MACROD2: variants seen among roughly 807,000 people sequenced by gnomAD.
The protein encoded by MACROD2 is ADP-ribose glycohydrolase MACROD2.
A neutral mutation model predicts 70.4 loss-of-function variants in MACROD2; 36 were observed. That is an observed-to-expected ratio of 0.51 (90% CI 0.39 to 0.68). The LOEUF (loss-of-function observed/expected upper bound fraction) is 0.68, where lower values mean the gene tolerates loss of function less well. MACROD2 is among the 30% of genes least tolerant of loss of function. The probability of loss-of-function intolerance (pLI) is 0.00; values close to 1 mark genes in which losing one functional copy is unlikely to be tolerated. For missense variants in MACROD2, 496 were observed against 538.4 expected (o/e 0.92, Z 0.78); for synonymous variants, 172 against 178.8 (o/e 0.96, Z 0.30).
intron 5 of MACROD2, among the ~76,000 whole-genome samples, chr20:15,174,140 T>C (rs551440491): frequency 6.6e-6 from 1 of 152,330 alleles, no homozygotes; most frequent in African/African-American, 2.4e-5. Flanking sequence ...TTTTAGACTA[T>C]GTAGATTATT....
At chr20:14,807,383 G>A (rs1287482200) in intron 5 of MACROD2, among the ~76,000 whole-genome samples, 1 of 152,074 alleles carries the variant, frequency 6.6e-6, no homozygotes, top group African/African-American at 2.4e-5. Flanking sequence ...CAAACAGAAA[G>A]CAATATCATC....
At chr20:14,831,897 T>G (rs1339481287) in intron 5 of MACROD2, among the ~76,000 whole-genome samples, 2 of 151,258 alleles carry the variant, frequency 1.3e-5, no homozygotes, top group Non-Finnish European at 3.0e-5. Context: ...TTGTGTAAGC[T>G]TCACGTTTGG....
At chr20:15,425,061 G>A (rs2046280255) in intron 6 of MACROD2, among the ~76,000 whole-genome samples, 1 of 152,146 alleles carries the variant, frequency 6.6e-6, no homozygotes, top group South Asian at 2.1e-4. Flanking sequence ...TTTCAGAGAG[G>A]GTGGCAGTGG....
intron 3 of MACROD2, among the ~76,000 whole-genome samples, chr20:14,412,397 C>T (rs1452406583): frequency 6.6e-6 from 1 of 151,642 alleles, no homozygotes; most frequent in Non-Finnish European, 1.5e-5. Flanking sequence ...CCCAAATAGG[C>T]TGTTTTCCAT....
rs139414934 is a variant in MACROD2 at position 14,691,019 on chromosome 20, G to A, written c.418+6060G>A. Among the ~76,000 whole-genome samples the A allele has an allele frequency of 9.7e-3, 1,476 of 152,302 alleles. 32 individuals are homozygous for A. Among genetic ancestry groups the A allele is most frequent in the African/African-American group, 0.034 (1,395 of 41,560 alleles). On this transcript the variant is annotated intron_variant, in intron 5 of 17. Transcript: ENST00000684519. ...TGCAACCTCCGCCTCCTGGGCTCAA[G>A]CGATTCTCCTGCCTCATCCTCCCGA...
At chr20:15,507,049 C>T (rs1028561695) in intron 8 of MACROD2, among the ~76,000 whole-genome samples, 1 of 152,154 alleles carries the variant, frequency 6.6e-6, no homozygotes. Context: ...GCCGTAAAAA[C>T]GTATCCTTTG....
chr20:14,112,012 A>G (rs117117496), intron 3 of MACROD2, among the ~76,000 whole-genome samples: 128 of 152,150 alleles, frequency 8.4e-4, no homozygotes, highest in Non-Finnish European at 1.6e-3. Flanking sequence ...TATATACACA[A>G]TGGAGTACTG....
At chr20:15,536,259 T>C (rs898917076) in intron 8 of MACROD2, among the ~76,000 whole-genome samples, 1 of 152,224 alleles carries the variant, frequency 6.6e-6, no homozygotes, top group African/African-American at 2.4e-5. Context: ...TGTTCTTTAC[T>C]GAAAGGCCTC....
intron 4 of MACROD2, among the ~76,000 whole-genome samples, chr20:14,633,310 C>A (rs975210978): frequency 3.3e-5 from 5 of 152,148 alleles, no homozygotes; most frequent in African/African-American, 1.2e-4. Flanking sequence ...TGCTAAGACC[C>A]TTTTTCCACA....
intron 8 of MACROD2, among the ~76,000 whole-genome samples, chr20:15,772,295 C>T (rs1325422686): frequency 6.6e-6 from 1 of 151,420 alleles, no homozygotes; most frequent in Non-Finnish European, 1.5e-5. Context: ...ATTTACTCAG[C>T]ACTTTCAAGT....
chr20:15,540,739 G>C (rs911345316), intron 8 of MACROD2, among the ~76,000 whole-genome samples: 1 of 152,150 alleles, frequency 6.6e-6, no homozygotes, highest in Admixed American at 6.5e-5. Flanking sequence ...CCTTCTTTTT[G>C]AGGGCTGTGA....
At chr20:14,522,418 T>C (rs1249972062) in intron 4 of MACROD2, among the ~76,000 whole-genome samples, 2 of 152,144 alleles carry the variant, frequency 1.3e-5, no homozygotes, top group East Asian at 3.9e-4. Context: ...GATTGGTCAG[T>C]CACAGCAGTG....
intron 3 of MACROD2, chr20:14,325,136 T>G (rs2122566564): frequency 6.5e-6 from 1 of 153,340 alleles, no homozygotes; most frequent in African/African-American, 2.4e-5. Context: ...TACATTTTAT[T>G]AATACCAAAG....
chr20:15,188,823 A>C (rs1431252680), intron 5 of MACROD2, among the ~76,000 whole-genome samples: 1 of 152,180 alleles, frequency 6.6e-6, no homozygotes, highest in African/African-American at 2.4e-5. Flanking sequence ...CCCCTAAAAT[A>C]GTAAGAACTT....
intron 3 of MACROD2, among the ~76,000 whole-genome samples, chr20:14,146,501 A>G (rs1601279716): frequency 6.6e-6 from 1 of 152,150 alleles, no homozygotes; most frequent in South Asian, 2.1e-4. Context: ...AGGCTTGGGT[A>G]GAATTCAGCA....
chr20:14,729,838 A>G (rs1831970353), intron 5 of MACROD2, among the ~76,000 whole-genome samples: 1 of 152,108 alleles, frequency 6.6e-6, no homozygotes. Context: ...GGATCCACAA[A>G]AGCAGCAAAG....
chr20:15,823,300 G>GTC lies in MACROD2; in HGVS notation c.646-39444_646-39443insCT, dbSNP rs1440789207. On this transcript the variant is annotated intron_variant, in intron 8 of 17. Coordinates refer to ENST00000684519, the MANE Select transcript of MACROD2 (RefSeq NM_001351661.2). Reference sequence around the variant, plus strand: ...CGTGTGTGTGTGTGTGTGTGTGTGTGTGTGTGTGTGTGTGTGTGTGTCTAT... The same window carrying GTC: ...CGTGTGTGTGTGTGTGTGTGTGTGTGTCTGTGTGTGTGTGTGTGTGTGTCTAT... 2.1e-5 allele frequency among the ~76,000 whole-genome samples: 3 copies of GTC among 145,672 alleles called. No individual in the cohort carries two copies. In the Admixed American group the frequency reaches 2.1e-4, roughly 10 times the overall value.
intron 5 of MACROD2, among the ~76,000 whole-genome samples, chr20:15,125,667 A>G (rs990100270): frequency 6.6e-6 from 1 of 152,108 alleles, no homozygotes; most frequent in African/African-American, 2.4e-5. Context: ...ATCAGTAATA[A>G]CCGGTATTTT....
In MACROD2 at chr20:15,546,120, C is replaced by A. The variant is rs529256739; in HGVS notation, c.645+46273C>A. On this transcript the variant is annotated intron_variant, in intron 8 of 17. Coordinates refer to ENST00000684519, the MANE Select transcript of MACROD2 (RefSeq NM_001351661.2). ...ATTAGCCAAGCGTGGTGATGCATGC[C>A]TGCAATCTCAGCTACTTGGGAGGCT... is the stretch of plus-strand genomic sequence containing the variant. Among the ~76,000 whole-genome samples, 6 of 152,316 alleles carry A rather than the reference C, an allele frequency of 3.9e-5. No homozygotes were observed. In the South Asian group the frequency reaches 1.2e-3, roughly 32 times the overall value.
Sources: allele counts gnomAD v4.1 joint callset (sites outside exome capture counted in the v4.1 genomes callset), GRCh38; gene constraint gnomAD v4.1.1; transcripts MANE v1.5; gene names NCBI Gene and HGNC (gene_info 2026-07-23, HGNC 2026-07-21).